Variants in HTR4 observed in about 807,000 individuals in gnomAD.
The protein encoded by HTR4 is 5-hydroxytryptamine (serotonin) receptor 4, G protein-coupled.
A neutral mutation model predicts 36.8 loss-of-function variants in HTR4; 16 were observed. The observed-to-expected ratio is 0.43, with a 90% CI of 0.29 to 0.66. The LOEUF (loss-of-function observed/expected upper bound fraction) is 0.66. Among genes scored for constraint, HTR4 ranks in the 30% least tolerant of loss-of-function variants. The probability of loss-of-function intolerance (pLI) is 0.13; values close to 1 mark genes in which losing one functional copy is unlikely to be tolerated. For synonymous variants in HTR4, 189 were observed against 185.1 expected, an observed-to-expected ratio of 1.02 and a Z score of -0.17; for missense variants, 438 against 490.9, an observed-to-expected ratio of 0.89 and a Z score of 1.02.
At chr5:148,487,448 G>T (rs1173291703) in intron 6 of HTR4, among the ~76,000 whole-genome samples, 1 of 152,122 alleles carries the variant, frequency 6.6e-6, no homozygotes, top group Non-Finnish European at 1.5e-5. Flanking sequence ...AGAATCACTT[G>T]CTAAGTCATC....
intron 2 of HTR4, among the ~76,000 whole-genome samples, chr5:148,557,498 C>T (rs905607540): frequency 6.6e-6 from 1 of 151,946 alleles, no homozygotes; most frequent in South Asian, 2.1e-4. Context: ...GTGTCTGGAG[C>T]TCAGAGGGAT....
At chr5:148,474,492 C>T (rs904225225), downstream of HTR4, among the ~76,000 whole-genome samples, 3 of 152,100 alleles carry the variant, frequency 2.0e-5, no homozygotes, top group South Asian at 2.1e-4. Flanking sequence ...ACATTCAATA[C>T]GGAGAAAGAC....
intron 1 of HTR4, among the ~76,000 whole-genome samples, chr5:148,642,382 G>A (rs184499664): frequency 1.4e-4 from 22 of 152,262 alleles, no homozygotes; most frequent in Non-Finnish European, 2.1e-4. Flanking sequence ...GAACCCAAGG[G>A]AGAAATGTCA....
chr5:148,517,926 C>T lies in HTR4; in HGVS notation c.507+5267G>A, dbSNP rs568230815. ...CTGAAAAGTCCTACACGATCTTTCTCCTATATATTTTTTTTTACTTCCTCT... is the reference window on the plus strand; with the variant it reads ...CTGAAAAGTCCTACACGATCTTTCTTCTATATATTTTTTTTTACTTCCTCT... On this transcript the variant is annotated intron_variant, in intron 5 of 6. Coordinates refer to ENST00000377888, the MANE Select transcript of HTR4 (RefSeq NM_000870.7). Among the ~76,000 whole-genome samples, 166 of 152,214 alleles carry T rather than the reference C, an allele frequency of 1.1e-3. 1 individual carries two copies. Among genetic ancestry groups the T allele is most frequent in the Non-Finnish European group, 1.7e-3 (118 of 67,996 alleles).
intron 1 of HTR4, chr5:148,644,897 A>C (rs1753837392): frequency 6.6e-6 from 1 of 152,198 alleles, no homozygotes; most frequent in African/African-American, 2.4e-5. Flanking sequence ...GGGGATCTGC[A>C]GGGAAATGAA....
intron 5 of HTR4, among the ~76,000 whole-genome samples, chr5:148,457,195 G>C (rs1755121133): frequency 6.6e-6 from 1 of 152,094 alleles, no homozygotes; most frequent in South Asian, 2.1e-4. Flanking sequence ...TTTGGTGCGA[G>C]ATCTTACTTG....
chr5:148,624,967 CAAT>C (rs1226601354), intron 2 of HTR4, among the ~76,000 whole-genome samples: 2 of 152,268 alleles, frequency 1.3e-5, no homozygotes, highest in East Asian at 1.9e-4. Context: ...TTACAAACAA[CAAT>C]GACAATTATA....
chr5:148,464,741 A>C (rs1375712669), intron 5 of HTR4, among the ~76,000 whole-genome samples: 1 of 152,174 alleles, frequency 6.6e-6, no homozygotes, highest in Non-Finnish European at 1.5e-5. Context: ...TGGTATTTAC[A>C]CCAAGGAGTT....
intron 1 of HTR4, among the ~76,000 whole-genome samples, chr5:148,652,268 T>C (rs1439006856): frequency 2.6e-5 from 4 of 152,182 alleles, no homozygotes; most frequent in Non-Finnish European, 2.9e-5. Context: ...AGATAAAACC[T>C]GCCTATAGAT....
chr5:148,648,853 G>A (rs1467868394), intron 1 of HTR4, among the ~76,000 whole-genome samples: 3 of 152,184 alleles, frequency 2.0e-5, no homozygotes, highest in Non-Finnish European at 2.9e-5. Flanking sequence ...TGTGGAAAGG[G>A]TCATGGACTC....
At chr5:148,564,617 C>G (rs1760358032) in intron 2 of HTR4, among the ~76,000 whole-genome samples, 1 of 152,142 alleles carries the variant, frequency 6.6e-6, no homozygotes, top group Non-Finnish European at 1.5e-5. Flanking sequence ...CTAAACCACT[C>G]CCCCAGACAA....
chr5:148,646,847 C>T (rs922665622), intron 1 of HTR4, among the ~76,000 whole-genome samples: 2 of 152,142 alleles, frequency 1.3e-5, no homozygotes, highest in South Asian at 2.1e-4. Flanking sequence ...AGAGGAGCTG[C>T]CCAAAGCAAT....
chr5:148,604,979 G>A (rs985707173), intron 2 of HTR4, among the ~76,000 whole-genome samples: 8 of 152,140 alleles, frequency 5.3e-5, no homozygotes, highest in African/African-American at 1.9e-4. Flanking sequence ...AGATAATAAA[G>A]GGAAAACATT....
intron 2 of HTR4, among the ~76,000 whole-genome samples, chr5:148,630,574 T>G (rs1322982891): frequency 6.6e-6 from 1 of 152,156 alleles, no homozygotes; most frequent in African/African-American, 2.4e-5. Flanking sequence ...TTCAAACAAT[T>G]TAATAACTGA....
At chr5:148,542,617 T>G (rs113875878) in intron 4 of HTR4, among the ~76,000 whole-genome samples, 1,783 of 152,292 alleles carry the variant, frequency 0.012, 32 homozygotes, top group African/African-American at 0.041. Flanking sequence ...GAGAATACTA[T>G]CTTCAAGGAA....
intron 2 of HTR4, among the ~76,000 whole-genome samples, chr5:148,589,520 T>C (rs1761479066): frequency 6.6e-6 from 1 of 152,308 alleles, no homozygotes; most frequent in East Asian, 1.9e-4. Flanking sequence ...AGGAATTGTC[T>C]TGTTTCTCAT....
At chr5:148,588,286 A>G (rs1761423561) in intron 2 of HTR4, among the ~76,000 whole-genome samples, 1 of 152,192 alleles carries the variant, frequency 6.6e-6, no homozygotes, top group Non-Finnish European at 1.5e-5. Context: ...TAATTCTGAA[A>G]TGTTCCAAAA....
chr5:148,553,426 G>A (rs546962004), intron 2 of HTR4, among the ~76,000 whole-genome samples: 1 of 152,252 alleles, frequency 6.6e-6, no homozygotes, highest in South Asian at 2.1e-4. Flanking sequence ...GCTGATTCTG[G>A]GAATCCACCC....
intron 5 of HTR4, among the ~76,000 whole-genome samples, chr5:148,521,513 G>T (rs1176126555): frequency 6.6e-6 from 1 of 151,624 alleles, no homozygotes; most frequent in Non-Finnish European, 1.5e-5. Context: ...GGGCTCTAGT[G>T]TGCCGGCATT....
Sources: allele counts gnomAD v4.1 joint callset (sites outside exome capture counted in the v4.1 genomes callset), GRCh38; gene constraint gnomAD v4.1.1; transcripts MANE v1.5; gene names NCBI Gene and HGNC (gene_info 2026-07-23, HGNC 2026-07-21).